The following TMEM132C variants were observed in gnomAD, a reference collection of about 807,000 sequenced individuals.
TMEM132C encodes the protein protein phosphatase 1, regulatory subunit 152.
A neutral mutation model predicts 61.4 loss-of-function variants in TMEM132C; 29 were observed. That is an observed-to-expected ratio of 0.47 (90% CI 0.35 to 0.64). The LOEUF (loss-of-function observed/expected upper bound fraction) is 0.64, where lower values mean the gene tolerates loss of function less well. Ranked by LOEUF, TMEM132C falls within the 30% of genes least tolerant of loss-of-function variation. The pLI is 0.00. For synonymous variants in TMEM132C, 656 were observed against 633.1 expected (o/e 1.04, Z -0.54); for missense variants, 1,408 against 1,476.9 (o/e 0.95, Z 0.76).
At chr12:128,421,241 C>T (rs1868977322) in intron 2 of TMEM132C, among the ~76,000 whole-genome samples, 1 of 152,196 alleles carries the variant, frequency 6.6e-6, no homozygotes, top group Admixed American at 6.5e-5. Context: ...ATGGAATCGA[C>T]CTAAATGCCC....
At chr12:128,693,235 G>T (rs993951604) in intron 5 of TMEM132C, among the ~76,000 whole-genome samples, 2 of 152,126 alleles carry the variant, frequency 1.3e-5, no homozygotes, top group Non-Finnish European at 2.9e-5. Flanking sequence ...AAGGCACTAC[G>T]GGCCCTTTGC....
At chr12:128,325,500 G>A (rs1203148610) in intron 1 of TMEM132C, among the ~76,000 whole-genome samples, 1 of 152,128 alleles carries the variant, frequency 6.6e-6, no homozygotes, top group African/African-American at 2.4e-5. Context: ...ATCTGTATAT[G>A]TGTATACATG....
At chr12:128,299,831 A>C (rs1486446342) in intron 1 of TMEM132C, among the ~76,000 whole-genome samples, 1 of 152,024 alleles carries the variant, frequency 6.6e-6, no homozygotes, top group African/African-American at 2.4e-5. Context: ...TCTCACCCCT[A>C]CACGTGATTG....
chr12:128,352,440 G>A (rs1357810877), intron 1 of TMEM132C, among the ~76,000 whole-genome samples: 1 of 152,096 alleles, frequency 6.6e-6, no homozygotes, highest in Non-Finnish European at 1.5e-5. Flanking sequence ...CAACACATGG[G>A]GATTATGGGA....
chr12:128,365,851 G>T (rs1398917512), intron 1 of TMEM132C, among the ~76,000 whole-genome samples: 1 of 152,170 alleles, frequency 6.6e-6, no homozygotes, highest in Non-Finnish European at 1.5e-5. Flanking sequence ...GAGGTGGCCA[G>T]GCTGCCCCGT....
intron 1 of TMEM132C, among the ~76,000 whole-genome samples, chr12:128,357,413 CA>C (rs1194205214): frequency 6.6e-6 from 1 of 152,110 alleles, no homozygotes; most frequent in Non-Finnish European, 1.5e-5. Flanking sequence ...AGAGGGAGCC[CA>C]GGCCGGGCAC....
chr12:128,500,419 G>A (rs1031658437), intron 2 of TMEM132C, among the ~76,000 whole-genome samples: 2 of 150,978 alleles, frequency 1.3e-5, no homozygotes, highest in African/African-American at 4.9e-5. Flanking sequence ...CCTGCAGAAT[G>A]GTAACAATAT....
At chr12:128,301,926 C>A (rs1157550770) in intron 1 of TMEM132C, among the ~76,000 whole-genome samples, 1 of 152,120 alleles carries the variant, frequency 6.6e-6, no homozygotes, top group Non-Finnish European at 1.5e-5. Flanking sequence ...GAAATGAGAG[C>A]CAAGTGAAAG....
chr12:128,459,399 G>A (rs1027127422), intron 2 of TMEM132C, among the ~76,000 whole-genome samples: 2 of 152,196 alleles, frequency 1.3e-5, no homozygotes, highest in Non-Finnish European at 2.9e-5. Context: ...TAGAGAAGAG[G>A]ACCTGGGTTT....
At chr12:128,418,632 G>A (rs746024538) in intron 2 of TMEM132C, among the ~76,000 whole-genome samples, 1 of 152,208 alleles carries the variant, frequency 6.6e-6, no homozygotes, top group East Asian at 1.9e-4. Flanking sequence ...CCCAGCTTCC[G>A]CTGGTGGTAC....
intron 2 of TMEM132C, among the ~76,000 whole-genome samples, chr12:128,467,769 C>T (rs890890995): frequency 6.6e-6 from 1 of 152,214 alleles, no homozygotes; most frequent in African/African-American, 2.4e-5. Context: ...AAGCTGCCCT[C>T]TGTTCTTCTC....
At chr12:128,498,187 C>T (rs193182954) in intron 2 of TMEM132C, among the ~76,000 whole-genome samples, 39 of 152,236 alleles carry the variant, frequency 2.6e-4, no homozygotes, top group Non-Finnish European at 5.3e-4. Context: ...GCATTGCCCA[C>T]TACTCTCCAC....
At chr12:128,356,727 G>A (rs764518992) in intron 1 of TMEM132C, among the ~76,000 whole-genome samples, 10 of 152,188 alleles carry the variant, frequency 6.6e-5, no homozygotes, top group South Asian at 2.1e-4. Context: ...CCTCTAATTC[G>A]GTTGTAATGA....
rs2135896656 is a variant in TMEM132C at position 128,278,477 on chromosome 12, CTCCCTGGCCAT to C, written c.85+10991_85+11001del. ...TCACTGCCTTCTCCTGGTCAGTTGT[CTCCCTGGCCAT>C]GTCCTGGCCCTTGACCCCAGCCTGT... On this transcript the variant is annotated intron_variant, in intron 1 of 8. Transcript: ENST00000435159. This position sits in a 1 kb window ranked among gnomAD's most constrained non-coding sequence, Gnocchi z 4.2. Among the ~76,000 whole-genome samples the C allele has an allele frequency of 6.6e-6, 1 of 152,286 alleles. No homozygotes were observed. Among genetic ancestry groups the C allele is most frequent in the South Asian group, 2.1e-4 (1 of 4,822 alleles).
chr12:128,578,340 A>T (rs1257001804), intron 3 of TMEM132C, among the ~76,000 whole-genome samples: 1 of 152,154 alleles, frequency 6.6e-6, no homozygotes, highest in East Asian at 1.9e-4. Context: ...GTATGTCAAC[A>T]TGGATTCTCA....
chr12:128,299,782 T>C (rs1871537712), intron 1 of TMEM132C, among the ~76,000 whole-genome samples: 1 of 152,166 alleles, frequency 6.6e-6, no homozygotes, highest in Admixed American at 6.5e-5. Context: ...GGTTCTTCCT[T>C]TCCTCCAGGT....
chr12:128,432,369 G>A (rs1006749728), intron 2 of TMEM132C, among the ~76,000 whole-genome samples: 3 of 152,184 alleles, frequency 2.0e-5, no homozygotes, highest in Non-Finnish European at 2.9e-5. Flanking sequence ...TCTAAGCAAA[G>A]TAAATGGAAA....
intron 2 of TMEM132C, among the ~76,000 whole-genome samples, chr12:128,463,380 G>A (rs746484238): frequency 1.1e-4 from 16 of 151,970 alleles, no homozygotes; most frequent in Non-Finnish European, 1.6e-4. Context: ...GTGCAATGAC[G>A]CGATCTCAGC....
intron 1 of TMEM132C, among the ~76,000 whole-genome samples, chr12:128,407,291 C>T (rs1875377419): frequency 6.6e-6 from 1 of 152,226 alleles, no homozygotes; most frequent in Admixed American, 6.5e-5. Flanking sequence ...TTACCTTCCA[C>T]CATGATTGTG....
Sources: gnomAD v4.1 joint callset for allele counts (sites outside exome capture counted in the v4.1 genomes callset) on GRCh38, gnomAD v4.1.1 for gene constraint, Gnocchi (gnomAD v3.1) non-coding constraint, MANE v1.5 for transcripts, NCBI Gene and HGNC (gene_info 2026-07-23, HGNC 2026-07-21) for gene names.